The following FAM161A variants were observed in gnomAD, a reference collection of about 807,000 sequenced individuals.
The protein encoded by FAM161A is protein FAM161A.
Under a neutral mutation model 70.9 loss-of-function variants are expected in FAM161A, and 57 were observed. The ratio of observed to expected loss-of-function variants is 0.80; its 90% CI spans 0.65 to 1.00. FAM161A has a LOEUF of 1.00. Ranked by LOEUF, FAM161A falls within the 50% of genes least tolerant of loss-of-function variation. The pLI, the probability that FAM161A is intolerant of heterozygous loss-of-function variation, is 0.00. For synonymous variants in FAM161A, 299 were observed against 295.7 expected (o/e 1.01, Z -0.12); for missense variants, 880 against 836.0 (o/e 1.05, Z -0.65).
the FAM161A span, among the ~76,000 whole-genome samples, chr2:61,804,794 G>GAAAGAAAGAA: frequency 7.2e-6 from 1 of 138,944 alleles, no homozygotes; most frequent in South Asian, 2.4e-4. Flanking sequence ...AAGAAAGAAA[G>GAAAGAAAGAA]AAAGAAAGAA....
In FAM161A at chr2:61,839,917, A is replaced by G; in HGVS notation, c.1087T>C (p.Ser363Pro). ...NRFKARPIPR[S>P]TYGSTTNDKL... is the part of the protein sequence containing the mutation. ...TCATTGGTAGTTGAACCATAAGTAG[A>G]TCGAGGAATGGGTCTGGCTTTAAAT... is the stretch of plus-strand genomic sequence containing the variant. Residue 363 changes from serine to proline, a missense_variant, in exon 3 of 7, where the codon TCT becomes CCT. Transcript: ENST00000404929. The G allele has an allele frequency of 6.2e-7, 1 of 1,614,166 alleles. No individual in the cohort carries two copies. The highest frequency in any genetic ancestry group is 1.1e-5 in the South Asian group (1 of 91,088).
At chr2:61,805,811 A>G in the FAM161A span, among the ~76,000 whole-genome samples, 1 of 151,854 alleles carries the variant, frequency 6.6e-6, no homozygotes, top group African/African-American at 2.4e-5. Context: ...AAAAACACCA[A>G]TCTCATTCTT....
chr2:61,837,310 G>GT (rs1572873887), intron 4 of FAM161A, among the ~76,000 whole-genome samples: 1 of 152,234 alleles, frequency 6.6e-6, no homozygotes, highest in African/African-American at 2.4e-5. Flanking sequence ...TAAATTTACC[G>GT]TAAGTGTTCT....
chr2:61,851,764 T>A (rs1348705989), intron 1 of FAM161A, among the ~76,000 whole-genome samples: 1 of 123,304 alleles, frequency 8.1e-6, no homozygotes, highest in Non-Finnish European at 1.6e-5. Context: ...TGCGTGTGTA[T>A]GCCAGAGCTG....
At chr2:61,814,058 G>A in the FAM161A span, among the ~76,000 whole-genome samples, 1 of 152,142 alleles carries the variant, frequency 6.6e-6, no homozygotes. Context: ...CCTGGAGGCA[G>A]CAATGGGAGG....
the FAM161A span, chr2:61,803,007 C>G: frequency 1.8e-4 from 35 of 193,992 alleles, no homozygotes; most frequent in Non-Finnish European, 3.2e-4. Context: ...GTTTTGTTCT[C>G]TATAGAAACT....
chr2:61,835,759 G>A, intron 5 of FAM161A: 1 of 450,704 alleles, frequency 2.2e-6, no homozygotes, highest in Non-Finnish European at 4.0e-6. Context: ...AAAACTCTTG[G>A]GCTCAAGCAA....
chr2:61,844,755 A>T (rs2105091480), intron 1 of FAM161A, among the ~76,000 whole-genome samples: 1 of 152,298 alleles, frequency 6.6e-6, no homozygotes, highest in South Asian at 2.1e-4. Context: ...CAGCTAGCTT[A>T]GGAAAGGACA....
In FAM161A at chr2:61,840,307, C is replaced by T; in HGVS notation, c.697G>A (p.Val233Met). Residue 233 changes from valine (V) to methionine (M), a missense_variant, in exon 3 of 7, where the codon GTG becomes ATG. Transcript: ENST00000404929. Reference sequence around the variant, plus strand: ...GGCTCCGGTACTGTAATTGTGGGCACCCATTCTTTTCGTTTCTTCCTTCTT... The same window carrying T: ...GGCTCCGGTACTGTAATTGTGGGCATCCATTCTTTTCGTTTCTTCCTTCTT... ...EKRRKKRKEWVPTITVPEPFQ... is the reference protein window; with the variant it reads ...EKRRKKRKEWMPTITVPEPFQ... 6.2e-7 allele frequency: 1 copy of T among 1,614,050 alleles called. No individual in the cohort carries two copies. Among genetic ancestry groups the T allele is most frequent in the South Asian group, 1.1e-5 (1 of 91,070 alleles).
At chr2:61,816,937 AAGTGG>A in the FAM161A span, among the ~76,000 whole-genome samples, 10 of 152,162 alleles carry the variant, frequency 6.6e-5, no homozygotes, top group African/African-American at 2.4e-4. Flanking sequence ...GGCATTTTCC[AAGTGG>A]AGTCACACAC....
downstream of FAM161A, chr2:61,824,835 T>A: frequency 2.6e-6 from 1 of 377,726 alleles, no homozygotes; most frequent in Non-Finnish European, 5.1e-6. Context: ...GCTGTAAGTA[T>A]ATAAAAACCA....
In FAM161A at chr2:61,827,275, C is replaced by T. The variant is rs1246586796; in HGVS notation, c.1852-17G>A. On this transcript the variant is annotated splice_polypyrimidine_tract_variant and intron_variant, in intron 5 of 6. Transcript: ENST00000404929. ...TGCATTTTTCTATAGGAAAGACAAA[C>T]CTTTTTAGACGAGAACAGAAGACTT... is the stretch of plus-strand genomic sequence containing the variant. The T allele has an allele frequency of 6.2e-7, 1 of 1,611,264 alleles. No individual in the cohort carries two copies. Among genetic ancestry groups the T allele is most frequent in the Admixed American group, 1.7e-5 (1 of 59,988 alleles).
In FAM161A at chr2:61,840,358, C is replaced by G; in HGVS notation, c.646G>C (p.Asp216His). ...FCVEDYIRCK[D>H]TGFHAAEKRR... The stretch of plus-strand genomic sequence containing the variant: ...TTTTCAGCTGCATGGAAGCCAGTAT[C>G]TTTACAGCGAATATAATCCTCAACA... Residue 216 changes from aspartate (D) to histidine (H), a missense_variant, in exon 3 of 7, where the codon GAT (aspartate) becomes CAT (histidine). Transcript: ENST00000404929. The G allele has an allele frequency of 6.2e-7, 1 of 1,614,130 alleles. No homozygotes were observed. The highest frequency in any genetic ancestry group is 2.2e-5 in the East Asian group (1 of 44,880).
intron 1 of FAM161A, among the ~76,000 whole-genome samples, chr2:61,846,463 A>G (rs995316162): frequency 1.3e-5 from 2 of 152,216 alleles, no homozygotes; most frequent in Admixed American, 1.3e-4. Context: ...CTCACAGCTT[A>G]GGAGAAAGAT....
At chr2:61,836,306 T>G (rs979926568) in intron 4 of FAM161A, 197 bp from the exon 5 acceptor site, 1 of 536,002 alleles carries the variant, frequency 1.9e-6, no homozygotes, top group Admixed American at 3.4e-5. Context: ...TTAATTCTCA[T>G]GGAATGCAGA....
intron 1 of FAM161A, among the ~76,000 whole-genome samples, chr2:61,851,192 C>G (rs1206470978): frequency 6.6e-6 from 1 of 152,024 alleles, no homozygotes; most frequent in Non-Finnish European, 1.5e-5. Context: ...TTTTAATTGT[C>G]TGATTTCCCT....
At chr2:61,808,335 C>T in the FAM161A span, among the ~76,000 whole-genome samples, 12 of 151,226 alleles carry the variant, frequency 7.9e-5, no homozygotes, top group African/African-American at 1.9e-4. Flanking sequence ...TGCAGTGGCA[C>T]GATCTCAGCT....
intron 1 of FAM161A, among the ~76,000 whole-genome samples, chr2:61,850,638 A>G (rs1673465881): frequency 6.6e-6 from 1 of 152,132 alleles, no homozygotes; most frequent in Admixed American, 6.5e-5. Context: ...CTTTAGTTCC[A>G]GCTACTTGGG....
intron 1 of FAM161A, among the ~76,000 whole-genome samples, chr2:61,851,033 C>T (rs1007625972): frequency 3.3e-5 from 5 of 151,794 alleles, no homozygotes; most frequent in Admixed American, 6.6e-5. Flanking sequence ...TGCCACCACG[C>T]CCGGCTAATT....
Sources: allele counts gnomAD v4.1 joint callset (sites outside exome capture counted in the v4.1 genomes callset), GRCh38; gene constraint gnomAD v4.1.1; transcripts MANE v1.5; gene names NCBI Gene and HGNC (gene_info 2026-07-23, HGNC 2026-07-21).